Variants in CAMTA1 observed in about 807,000 individuals in gnomAD.
CAMTA1 encodes the protein calmodulin-binding transcription activator 1.
Under a neutral mutation model 170.9 loss-of-function variants are expected in CAMTA1, and 27 were observed. The observed-to-expected ratio is 0.16, with a 90% confidence interval of 0.12 to 0.22. The LOEUF is 0.22. CAMTA1 is among the 10% of genes least tolerant of loss of function. The probability of loss-of-function intolerance (pLI) is 1.00; values close to 1 mark genes in which losing one functional copy is unlikely to be tolerated. For missense variants in CAMTA1, 1,619 were observed against 2,217.2 expected (o/e 0.73, Z 5.42); for synonymous variants, 833 against 891.5 (o/e 0.93, Z 1.17).
intron 5 of CAMTA1, among the ~76,000 whole-genome samples, chr1:7,378,715 G>A (rs976196405): frequency 6.6e-6 from 1 of 152,014 alleles, no homozygotes; most frequent in East Asian, 1.9e-4. Context: ...AACATCCACT[G>A]ACCTGTACAC....
chr1:6,993,250 A>C (rs1455478971), intron 3 of CAMTA1, among the ~76,000 whole-genome samples: 4 of 152,192 alleles, frequency 2.6e-5, no homozygotes, highest in Non-Finnish European at 4.4e-5. Flanking sequence ...TATTAAAAAA[A>C]CCTGCAGGTA....
chr1:7,499,770 AGTGT>A (rs140993059), intron 6 of CAMTA1, among the ~76,000 whole-genome samples: 2 of 120,060 alleles, frequency 1.7e-5, no homozygotes, highest in Non-Finnish European at 3.5e-5. Flanking sequence ...GCCTGTTGTG[AGTGT>A]GTGTGTCCAT....
chr1:7,078,500 A>G (rs958511254), intron 3 of CAMTA1, among the ~76,000 whole-genome samples: 2 of 152,214 alleles, frequency 1.3e-5, no homozygotes, highest in Non-Finnish European at 2.9e-5. Context: ...TGTCTCTGAG[A>G]CAACAATGAC....
intron 4 of CAMTA1, among the ~76,000 whole-genome samples, chr1:7,233,671 T>C (rs1412076687): frequency 1.3e-5 from 2 of 152,108 alleles, no homozygotes; most frequent in African/African-American, 4.8e-5. Flanking sequence ...TAAGTGATCA[T>C]CCCACTTCCC....
chr1:7,414,892 A>T (rs1258798771), intron 5 of CAMTA1, among the ~76,000 whole-genome samples: 2 of 152,080 alleles, frequency 1.3e-5, no homozygotes, highest in Non-Finnish European at 2.9e-5. Context: ...TTCTGTGGGC[A>T]TTTAGTGCTA....
chr1:7,664,544 T>G lies in CAMTA1; in HGVS notation c.1997T>G (p.Ile666Ser). The change falls in exon 9 of 23, where the codon ATC becomes AGC. Residue 666 changes from isoleucine (I) to serine (S), a missense_variant. By Grantham distance (142) the Ile-to-Ser change is moderately radical. Transcript: ENST00000303635. ...TGCAGCGGTCACGTGGAGACGCGGA[T>G]CGAGTCCACTTCCTCCCTCCACCTC... is the stretch of plus-strand genomic sequence containing the variant. ...SSCSGHVETRIESTSSLHLMQ... is the reference protein window; with the variant it reads ...SSCSGHVETRSESTSSLHLMQ... 6.2e-7 allele frequency: 1 copy of G among 1,613,128 alleles called. No individual in the cohort carries two copies. The highest frequency in any genetic ancestry group is 8.5e-7 in the Non-Finnish European group (1 of 1,180,022).
intron 4 of CAMTA1, among the ~76,000 whole-genome samples, chr1:7,182,645 C>A (rs1652446640): frequency 6.6e-6 from 1 of 152,060 alleles, no homozygotes; most frequent in Non-Finnish European, 1.5e-5. Context: ...ATGATAAGCA[C>A]AGTCAAAATG....
chr1:6,941,421 T>C (rs753473175), intron 3 of CAMTA1, among the ~76,000 whole-genome samples: 3 of 152,102 alleles, frequency 2.0e-5, no homozygotes, highest in Non-Finnish European at 4.4e-5. Flanking sequence ...GGGTGTTCAT[T>C]GAGCAGCAAG....
rs140408588 is a variant in CAMTA1, at chr1:7,572,009, T to G, written c.511-68391T>G. On this transcript the variant is annotated intron_variant, in intron 6 of 22. Transcript: ENST00000303635. ...AACCTCACCAGCATCTGTTACCTTT[T>G]GATTTTTTAATAATAGGCATTCTGA... 2.5e-4 allele frequency among the ~76,000 whole-genome samples: 38 copies of G among 152,338 alleles called. No individual in the cohort carries two copies. In the East Asian group the frequency reaches 7.3e-3, roughly 29 times the overall value.
intron 3 of CAMTA1, among the ~76,000 whole-genome samples, chr1:6,868,556 A>G (rs1477869591): frequency 6.6e-6 from 1 of 152,052 alleles, no homozygotes; most frequent in African/African-American, 2.4e-5. Context: ...TAACCTTACT[A>G]GAAATGACAT....
chr1:7,429,479 G>A (rs940615368), intron 5 of CAMTA1, among the ~76,000 whole-genome samples: 3 of 151,598 alleles, frequency 2.0e-5, no homozygotes, highest in Admixed American at 6.6e-5. Context: ...GTGATAATAC[G>A]GGTGATGATG....
chr1:7,393,741 A>T (rs1455223059), intron 5 of CAMTA1, among the ~76,000 whole-genome samples: 2 of 152,164 alleles, frequency 1.3e-5, no homozygotes, highest in East Asian at 3.8e-4. Context: ...GCTATTTCGA[A>T]ATATAGAATA....
chr1:7,081,674 A>G (rs1271069925), intron 3 of CAMTA1, among the ~76,000 whole-genome samples: 1 of 152,202 alleles, frequency 6.6e-6, no homozygotes, highest in African/African-American at 2.4e-5. Flanking sequence ...ACAGTGGAGA[A>G]AGCCAGCAGG....
intron 4 of CAMTA1, among the ~76,000 whole-genome samples, chr1:7,094,624 T>C (rs1164589972): frequency 1.3e-5 from 2 of 152,148 alleles, no homozygotes; most frequent in Non-Finnish European, 2.9e-5. Flanking sequence ...AATATAGTCC[T>C]TGCTCAGATA....
rs149779707 is a variant in CAMTA1, at chr1:7,236,767, C to T, written c.303-12724C>T. 2.2e-4 allele frequency among the ~76,000 whole-genome samples: 34 copies of T among 152,336 alleles called. No homozygotes were observed. In the East Asian group the frequency reaches 6.0e-3, roughly 27 times the overall value. On this transcript the variant is annotated intron_variant, in intron 4 of 22. Transcript: ENST00000303635. ...TCGCAGTTGTCCTGGTTGTTACTGA[C>T]ATTTTAGTCCAGGCCACGTACCTCT...
chr1:7,125,720 G>C (rs1056411132), intron 4 of CAMTA1, among the ~76,000 whole-genome samples: 1 of 152,164 alleles, frequency 6.6e-6, no homozygotes, highest in African/African-American at 2.4e-5. Flanking sequence ...GCAGCATGTA[G>C]GGTGAGAGGG....
At chr1:6,967,365 TGG>T (rs1026965934) in intron 3 of CAMTA1, among the ~76,000 whole-genome samples, 5 of 134,668 alleles carry the variant, frequency 3.7e-5, no homozygotes, top group African/African-American at 1.4e-4. Context: ...TGGGGTGGGG[TGG>T]GGGGTGGAAC....
At chr1:7,710,943 G>C (rs1009265297) in intron 11 of CAMTA1, among the ~76,000 whole-genome samples, 4 of 152,134 alleles carry the variant, frequency 2.6e-5, no homozygotes, top group African/African-American at 9.7e-5. Flanking sequence ...AAGGGGACAT[G>C]GTCCTCTCAT....
At chr1:7,342,924 G>T (rs747339835) in intron 5 of CAMTA1, among the ~76,000 whole-genome samples, 3 of 152,154 alleles carry the variant, frequency 2.0e-5, no homozygotes, top group Admixed American at 2.0e-4. Flanking sequence ...AATCAGACAC[G>T]GAACTCCTTG....
Sources: gnomAD v4.1 joint callset for allele counts (sites outside exome capture counted in the v4.1 genomes callset) on GRCh38, gnomAD v4.1.1 for gene constraint, MANE v1.5 for transcripts, NCBI Gene and HGNC (gene_info 2026-07-23, HGNC 2026-07-21) for gene names.